The following RANBP17 variants were observed in gnomAD, a reference collection of about 807,000 sequenced individuals.
The protein encoded by RANBP17 is ran-binding protein 17.
Under a neutral mutation model 141.2 loss-of-function variants are expected in RANBP17, and 158 were observed. The ratio of observed to expected loss-of-function variants is 1.12; its 90% CI spans 0.98 to 1.28. The LOEUF (loss-of-function observed/expected upper bound fraction) is 1.28. Ranked by LOEUF, RANBP17 falls within the 50% of genes most tolerant of loss-of-function variation. The pLI is 0.00. For missense variants in RANBP17, 1,438 were observed against 1,290.7 expected (o/e 1.11, Z -1.75); for synonymous variants, 430 against 450.0 (o/e 0.96, Z 0.56).
chr5:170,887,999 T>C (rs906152302), intron 3 of RANBP17, among the ~76,000 whole-genome samples: 15 of 152,178 alleles, frequency 9.9e-5, no homozygotes, highest in African/African-American at 3.6e-4. Context: ...AGTTTCAGCA[T>C]GAGTATGGGA....
intron 25 of RANBP17, among the ~76,000 whole-genome samples, chr5:171,266,095 A>G (rs1766656466): frequency 6.6e-6 from 1 of 152,144 alleles, no homozygotes; most frequent in Non-Finnish European, 1.5e-5. Context: ...AAAAGAGGAT[A>G]GTTTTTCCAG....
At position 170,892,555 on chromosome 5, in the gene RANBP17, T is replaced by G; in HGVS notation, c.423+2T>G. 6.2e-7 allele frequency: 1 copy of G among 1,612,456 alleles called. No individual in the cohort carries two copies. Among genetic ancestry groups the G allele is most frequent in the Non-Finnish European group, 8.5e-7 (1 of 1,179,176 alleles). ...GCTGATGTGAAGAAGTTTCTCCAGG[T>G]AAGAAGTCATTGCTACATGGTTAGA... On this transcript the variant is annotated splice_donor_variant, in intron 4 of 27. Transcript: ENST00000523189. LOFTEE classifies it high-confidence loss of function.
At chr5:171,248,753 C>T (rs1765378827) in intron 24 of RANBP17, among the ~76,000 whole-genome samples, 3 of 152,162 alleles carry the variant, frequency 2.0e-5, no homozygotes, top group Admixed American at 1.3e-4. Context: ...TGTATCTCCA[C>T]ATCCTGAGAA....
chr5:171,155,093 AAATATATAT>A (rs1241325277), intron 14 of RANBP17, among the ~76,000 whole-genome samples: 2 of 107,630 alleles, frequency 1.9e-5, no homozygotes, highest in Non-Finnish European at 1.9e-5. Context: ...AAAAAAAAAA[AAATATATAT>A]ATATATATAT....
chr5:171,261,108 G>GAAA (rs3085132), intron 24 of RANBP17, among the ~76,000 whole-genome samples: 39 of 49,776 alleles, frequency 7.8e-4, no homozygotes, highest in South Asian at 1.7e-3. Flanking sequence ...AAAACCAAAA[G>GAAA]AAAAAAAAAA....
rs139293984 is a variant in RANBP17 at position 171,242,380 on chromosome 5, G to A, written c.2638-302G>A. Among the ~76,000 whole-genome samples the A allele has an allele frequency of 4.6e-3, 703 of 152,270 alleles. 5 individuals are homozygous for A. The highest frequency in any genetic ancestry group is 0.016 in the African/African-American group (670 of 41,554). On this transcript the variant is annotated intron_variant, in intron 23 of 27. Coordinates refer to ENST00000523189, the MANE Select transcript of RANBP17 (RefSeq NM_022897.5). ...AAAAAGGTTTCCTAGCGACTGTTAA[G>A]CACTGTTCAGTGTTACAGTATTCCA...
At chr5:171,005,532 G>T (rs1208376916) in intron 14 of RANBP17, among the ~76,000 whole-genome samples, 6 of 152,168 alleles carry the variant, frequency 3.9e-5, no homozygotes, top group Admixed American at 6.5e-5. Flanking sequence ...GGGAAAACTG[G>T]CTAGCCATAT....
chr5:171,102,441 A>G (rs1359353790), intron 14 of RANBP17, among the ~76,000 whole-genome samples: 4 of 151,916 alleles, frequency 2.6e-5, no homozygotes, highest in Admixed American at 2.6e-4. Context: ...TTTCAGCTCC[A>G]TCAGGTCATT....
At position 171,298,750 on chromosome 5, in the gene RANBP17, CT is replaced by C; in HGVS notation, c.3171-11del. On this transcript the variant is annotated splice_polypyrimidine_tract_variant and intron_variant, in intron 27 of 27. Transcript: ENST00000523189. Reference sequence around the variant, plus strand: ...CATTACTACCCTTGACCCTTTCTTCCTCTTTCTGCAGGTTCACCCAAAATCT... The same window carrying C: ...CATTACTACCCTTGACCCTTTCTTCCCTTTCTGCAGGTTCACCCAAAATCT... The C allele has an allele frequency of 6.2e-7, 1 of 1,609,522 alleles. No individual in the cohort carries two copies. Among genetic ancestry groups the C allele is most frequent in the Non-Finnish European group, 8.5e-7 (1 of 1,175,900 alleles).
chr5:171,087,325 GAGAT>G (rs1785746305), intron 14 of RANBP17, among the ~76,000 whole-genome samples: 2 of 152,094 alleles, frequency 1.3e-5, no homozygotes, highest in South Asian at 4.1e-4. Context: ...TGTGGTCTGA[GAGAT>G]AGTTTGTTAT....
chr5:171,056,524 A>G (rs891879855), intron 14 of RANBP17, among the ~76,000 whole-genome samples: 3 of 152,162 alleles, frequency 2.0e-5, no homozygotes, highest in Non-Finnish European at 4.4e-5. Context: ...GTTTCCCGTA[A>G]TTTTGGAACA....
chr5:171,274,729 A>G (rs1458102468), intron 25 of RANBP17, among the ~76,000 whole-genome samples: 3 of 152,142 alleles, frequency 2.0e-5, no homozygotes, highest in Admixed American at 2.0e-4. Context: ...TGCAAAGTAA[A>G]CCCCCAAAAT....
At chr5:170,886,655 T>C (rs1206727743) in intron 3 of RANBP17, among the ~76,000 whole-genome samples, 14 of 34,178 alleles carry the variant, frequency 4.1e-4, no homozygotes, top group Non-Finnish European at 8.5e-4. Flanking sequence ...AGGTGCCTTT[T>C]TTTTTTTTTT....
At chr5:171,257,310 C>G (rs1013032298) in intron 24 of RANBP17, among the ~76,000 whole-genome samples, 5 of 152,164 alleles carry the variant, frequency 3.3e-5, no homozygotes, top group Non-Finnish European at 7.3e-5. Flanking sequence ...GGACAAAAAC[C>G]CATATCGTCA....
intron 14 of RANBP17, among the ~76,000 whole-genome samples, chr5:170,991,509 C>T (rs1778507373): frequency 1.3e-5 from 2 of 151,906 alleles, no homozygotes; most frequent in African/African-American, 4.8e-5. Context: ...TTTCTTTCCT[C>T]AAATAAGGTA....
intron 22 of RANBP17, among the ~76,000 whole-genome samples, chr5:171,224,995 G>T (rs1009729112): frequency 6.6e-6 from 1 of 152,172 alleles, no homozygotes; most frequent in Admixed American, 6.5e-5. Flanking sequence ...AGACATGGTT[G>T]TGAGAATTCA....
In RANBP17 at chr5:171,058,783, G is replaced by A. The variant is rs934114512; in HGVS notation, c.1710+90406G>A. Reference sequence around the variant, plus strand: ...ACTAGTTCACAGTCCCACCAACAGTGTAAAAGTGTTCCTATTTCTCCACAT... The same window carrying A: ...ACTAGTTCACAGTCCCACCAACAGTATAAAAGTGTTCCTATTTCTCCACAT... On this transcript the variant is annotated intron_variant, in intron 14 of 27. Transcript: ENST00000523189. 9.4e-3 allele frequency among the ~76,000 whole-genome samples: 1,414 copies of A among 150,430 alleles called. 24 individuals carry two copies. The highest frequency in any genetic ancestry group is 0.032 in the African/African-American group (1,291 of 40,756).
intron 1 of RANBP17, among the ~76,000 whole-genome samples, chr5:170,871,148 A>T (rs1270190940): frequency 2.0e-5 from 3 of 152,046 alleles, no homozygotes; most frequent in Admixed American, 2.0e-4. Context: ...TCCCTGGTTC[A>T]AGCGATTCTC....
chr5:170,997,327 G>A (rs1778885206), intron 14 of RANBP17, among the ~76,000 whole-genome samples: 2 of 152,154 alleles, frequency 1.3e-5, no homozygotes, highest in South Asian at 4.1e-4. Flanking sequence ...CGGAGTGGAG[G>A]GCGGAGAGTT....
Sources: gnomAD v4.1 joint callset for allele counts (sites outside exome capture counted in the v4.1 genomes callset) on GRCh38, gnomAD v4.1.1 for gene constraint, MANE v1.5 for transcripts, NCBI Gene and HGNC (gene_info 2026-07-23, HGNC 2026-07-21) for gene names.